Variants in BCAR1 observed in about 807,000 individuals in gnomAD.
The protein encoded by BCAR1 is breast cancer anti-estrogen resistance protein 1.
In BCAR1, 30 loss-of-function variants were observed where a neutral mutation model predicts 67.6. The ratio of observed to expected loss-of-function variants is 0.44; its 90% CI spans 0.33 to 0.60. The LOEUF is 0.60. BCAR1 is among the 20% of genes least tolerant of loss of function. The pLI is 0.02. For missense variants in BCAR1, 1,313 were observed against 1,222.3 expected (o/e 1.07, Z -1.11); for synonymous variants, 626 against 556.7 (o/e 1.12, Z -1.75).
Position 75,230,239 on chromosome 16 carries a change from A to G in BCAR1, c.2101-216T>C, listed in dbSNP as rs8052132. On this transcript the variant is annotated intron_variant, in intron 6 of 6. Transcript: ENST00000162330. ...TTCAGTTACCCTTCCACCAGTCTCA[A>G]AAGGTCAGACTCCGTGCCCTGAACA... is the stretch of plus-strand genomic sequence containing the variant. Among the ~76,000 whole-genome samples the G allele has an allele frequency of 7.0e-3, 1,070 of 152,252 alleles. 10 individuals carry two copies. The highest frequency in any genetic ancestry group is 0.024 in the African/African-American group (1,016 of 41,544).
In BCAR1 at chr16:75,231,154, T is replaced by C. The variant is rs1024308525; in HGVS notation, c.2101-1131A>G. 3.3e-5 allele frequency among the ~76,000 whole-genome samples: 5 copies of C among 151,416 alleles called. No homozygotes were observed. The South Asian group carries it at 1.0e-3, about 32-fold the overall frequency. On this transcript the variant is annotated intron_variant, in intron 6 of 6. Coordinates refer to ENST00000162330, the MANE Select transcript of BCAR1 (RefSeq NM_014567.5). ...CTCTATCGCCCAGGCTGAAGTGAAG[T>C]GGCACGATCTCGGCTCGCTGCAACC... is the stretch of plus-strand genomic sequence containing the variant.
At position 75,229,453 on chromosome 16, in the gene BCAR1, A is replaced by G; in HGVS notation, c.*58T>C. ...GTGGCACAGCGACTCTTGACATGGG[A>G]GCCAGGGAGCTGGGACCGCCGCACC... On this transcript the variant is annotated 3_prime_UTR_variant, in exon 7 of 7. Transcript: ENST00000162330. 2.7e-6 allele frequency: 4 copies of G among 1,459,700 alleles called. No homozygotes were observed. The highest frequency in any genetic ancestry group is 1.4e-5 in the South Asian group (1 of 71,464). 90.4% of individuals were successfully genotyped at this position (1,459,700 alleles called of 1,614,324 possible).
chr16:75,236,646 C>G (rs2077146592), intron 4 of BCAR1: 1 of 733,626 alleles, frequency 1.4e-6, no homozygotes, highest in African/African-American at 1.8e-5. Flanking sequence ...TTGCGGATAC[C>G]CTCTCAGGAG....
chr16:75,260,123 G>C (rs1054321586), intron 1 of BCAR1, among the ~76,000 whole-genome samples: 1 of 152,104 alleles, frequency 6.6e-6, no homozygotes, highest in African/African-American at 2.4e-5. Context: ...GACCCTGGGA[G>C]GAAGAGGTTG....
At chr16:75,256,308 T>C (rs1265139894), upstream of BCAR1, 1 of 74,856 alleles carries the variant, frequency 1.3e-5, no homozygotes, top group Non-Finnish European at 2.4e-5. Context: ...CATAAAGGGC[T>C]TCCCATCCTC....
chr16:75,262,778 G>A (rs1466558586), intron 1 of BCAR1, among the ~76,000 whole-genome samples: 4 of 152,192 alleles, frequency 2.6e-5, no homozygotes, highest in Non-Finnish European at 5.9e-5. Flanking sequence ...TACCACTGCT[G>A]GGGCTGGCTG....
chr16:75,235,251 C>T lies in BCAR1; in HGVS notation c.1648G>A (p.Asp550Asn), dbSNP rs1360179199. ...TGTGCCACCAGCGTCTGGTGCACGT[C>T]CTCCATCTTCTGCAGCTGCCGGCTA... Reference protein sequence around the residue: ...KLSRQLQKMEDVHQTLVAHGQ... With the variant: ...KLSRQLQKMENVHQTLVAHGQ... The change falls in exon 5 of 7, where the codon GAC becomes AAC. Residue 550 changes from aspartate (D) to asparagine (N), a missense_variant. Asp to Asn is a conservative substitution (Grantham distance 23). Around this residue, in one of 2 missense-constraint regions of BCAR1, gnomAD observed 1,272 missense variants for 1,137.5 expected, o/e 1.12. Transcript: ENST00000162330. 1 of 1,606,624 alleles carries T rather than the reference C, an allele frequency of 6.2e-7. No homozygotes were observed. Among genetic ancestry groups the T allele is most frequent in the Admixed American group, 1.7e-5 (1 of 59,906 alleles).
chr16:75,230,960 G>C (rs967848374), intron 6 of BCAR1, among the ~76,000 whole-genome samples: 5 of 152,052 alleles, frequency 3.3e-5, no homozygotes, highest in East Asian at 1.9e-4. Context: ...TGAGGCAGGT[G>C]AATCACTTGA....
rs1434784420 is a variant in BCAR1, at chr16:75,229,370, T to C, written c.*141A>G. ...CTGCCCGGCCATAAATATATACAGA[T>C]TCCTGGGCATCCAGGGCACCAGGAC... On this transcript the variant is annotated 3_prime_UTR_variant, in exon 7 of 7. Transcript: ENST00000162330. The C allele has an allele frequency of 7.8e-7, 1 of 1,277,252 alleles. No homozygotes were observed. Among genetic ancestry groups the C allele is most frequent in the African/African-American group, 1.5e-5 (1 of 66,418 alleles). 79.1% of individuals were successfully genotyped at this position (1,277,252 alleles called of 1,614,324 possible). A position where few individuals can be genotyped will look rare whatever the true frequency, so the allele number is the denominator to read the frequency against.
At chr16:75,264,915 C>T (rs2151485761) in intron 1 of BCAR1, 1 of 159,578 alleles carries the variant, frequency 6.3e-6, no homozygotes, top group Non-Finnish European at 1.4e-5. Context: ...CCTGGCAGGA[C>T]GCCGGGGTGT....
upstream of BCAR1, chr16:75,251,735 C>CG: frequency 1.0e-6 from 1 of 965,986 alleles, no homozygotes; most frequent in Non-Finnish European, 1.2e-6. Flanking sequence ...AGCCGCCTGT[C>CG]GGGGGCGCGG....
At chr16:75,252,558 G>A (rs183927982), upstream of BCAR1, among the ~76,000 whole-genome samples, 11 of 151,920 alleles carry the variant, frequency 7.2e-5, no homozygotes, top group African/African-American at 2.6e-4. Context: ...GGCCAGGGAG[G>A]CACAATCTGC....
At chr16:75,247,772 G>A in intron 1 of BCAR1, 1 of 473,772 alleles carries the variant, frequency 2.1e-6, no homozygotes, top group South Asian at 2.3e-5. Flanking sequence ...TCTCTGCCAG[G>A]CCTGGCTCAT....
chr16:75,250,456 C>T (rs1222399867), intron 1 of BCAR1, among the ~76,000 whole-genome samples: 1 of 152,188 alleles, frequency 6.6e-6, no homozygotes, highest in Admixed American at 6.5e-5. Flanking sequence ...AAGAGATCAA[C>T]CCATGGTCAT....
intron 5 of BCAR1, 122 bp from the exon 6 acceptor site, chr16:75,234,057 AC>A (rs2151398791): frequency 1.2e-6 from 1 of 847,592 alleles, no homozygotes; most frequent in Non-Finnish European, 1.9e-6. Flanking sequence ...GCGCGCACAC[AC>A]ACGCACACGT....
At chr16:75,244,980 C>T (rs2077469821) in intron 1 of BCAR1, among the ~76,000 whole-genome samples, 1 of 152,194 alleles carries the variant, frequency 6.6e-6, no homozygotes, top group African/African-American at 2.4e-5. Flanking sequence ...GTGTTTCTTG[C>T]TTTGGGGCTG....
At chr16:75,233,801 G>A in intron 6 of BCAR1, 45 bp downstream of exon 6, 1 of 1,543,868 alleles carries the variant, frequency 6.5e-7, no homozygotes, top group South Asian at 1.2e-5. Flanking sequence ...GGGGCTCAGG[G>A]GGTCAGCGGG....
At chr16:75,250,999 C>T (rs939161338) in intron 1 of BCAR1, 1 of 986,026 alleles carries the variant, frequency 1.0e-6, no homozygotes, top group Non-Finnish European at 1.2e-6. Flanking sequence ...GCGCCACGCA[C>T]TTGCCCGCCC....
Position 75,236,924 on chromosome 16 carries a change from G to T in BCAR1, c.870C>A (p.Pro290=), listed in dbSNP as rs1233445912. Residue 290 remains proline, a synonymous_variant, in exon 4 of 7, where the codon CCC becomes CCA. Transcript: ENST00000162330. ...RDPLLEVYDV[P]PSVEKGLPPS... is the part of the protein sequence containing the mutation. ...GTGGCAGGCCCTTCTCCACACTGGG[G>T]GGCACGTCATACACCTCCAGCAACG... 1.2e-5 allele frequency: 19 copies of T among 1,612,572 alleles called. No individual in the cohort carries two copies. Among genetic ancestry groups the T allele is most frequent in the African/African-American group, 8.0e-5 (6 of 74,916 alleles).
Sources: allele counts gnomAD v4.1 joint callset (sites outside exome capture counted in the v4.1 genomes callset), GRCh38; gene constraint gnomAD v4.1.1; regional missense constraint gnomAD v4.1.1; transcripts MANE v1.5; gene names NCBI Gene and HGNC (gene_info 2026-07-23, HGNC 2026-07-21).